Variants in PLXNB2 observed in about 807,000 individuals in gnomAD.
PLXNB2 encodes plexin B2, also known as plexin-B2.
In PLXNB2, 85 loss-of-function variants were observed where a neutral mutation model predicts 202.6. That is an observed-to-expected ratio of 0.42 (90% CI 0.35 to 0.50). The LOEUF is 0.50. Ranked by LOEUF, PLXNB2 falls within the 20% of genes least tolerant of loss-of-function variation. The pLI is 0.02. For synonymous variants in PLXNB2, 1,239 were observed against 1,137.6 expected, an observed-to-expected ratio of 1.09 and a Z score of -1.79; for missense variants, 2,063 against 2,586.2, an observed-to-expected ratio of 0.80 and a Z score of 4.39.
chr22:50,281,482 G>T lies in PLXNB2; in HGVS notation c.3540C>A (p.Arg1180=). ...ACTCCACGCGGCCCAGCACCCACTC[G>T]CGAGAGCCGAACTTCACCTGTGTGG... is the stretch of plus-strand genomic sequence containing the variant. The part of the protein sequence containing the change: ...LPEFIVKFGS[R]EWVLGRVEYD... The change falls in exon 22 of 37, where the codon CGC becomes CGA. Residue 1180 remains arginine, a synonymous_variant. Transcript: ENST00000359337. The T allele has an allele frequency of 2.5e-6, 4 of 1,612,064 alleles. No individual in the cohort carries two copies. Among genetic ancestry groups the T allele is most frequent in the South Asian group, 1.1e-5 (1 of 91,064 alleles).
chr22:50,282,046 G>A lies in PLXNB2; in HGVS notation c.3153C>T (p.Thr1051=). 6.2e-7 allele frequency: 1 copy of A among 1,612,580 alleles called. No individual in the cohort carries two copies. Among genetic ancestry groups the A allele is most frequent in the South Asian group, 1.1e-5 (1 of 91,078 alleles). Reference sequence around the variant, plus strand: ...CAGCCGGGGACAGGAAGACGACCTTGGTGTCATTGTGGAACACGTAGTCTG... The same window carrying A: ...CAGCCGGGGACAGGAAGACGACCTTAGTGTCATTGTGGAACACGTAGTCTG... ...VGTDYVFHND[T]KVVFLSPAVP... Residue 1051 remains threonine, a synonymous_variant, in exon 20 of 37, where the codon ACC becomes ACT. Coordinates refer to ENST00000359337, the MANE Select transcript of PLXNB2 (RefSeq NM_012401.4).
At position 50,289,179 on chromosome 22, in the gene PLXNB2, CT is replaced by C. The variant is rs753161697; in HGVS notation, c.1069-38del. 2.0e-6 allele frequency: 3 copies of C among 1,509,390 alleles called. No individual in the cohort carries two copies. The highest frequency in any genetic ancestry group is 2.4e-5 in the East Asian group (1 of 41,948). 93.5% of individuals were successfully genotyped at this position (1,509,390 alleles called of 1,614,324 possible). ...AGCGTGTCAATGGCAGGCAGACCCC[CT>C]GTCCTGAAGGGCCCTCTCCACTCGC... On this transcript the variant is annotated intron_variant, in intron 3 of 36. Coordinates refer to ENST00000359337, the MANE Select transcript of PLXNB2 (RefSeq NM_012401.4). This position sits in a 1 kb window ranked among gnomAD's most constrained non-coding sequence, Gnocchi z 8.0.
At chr22:50,276,375 G>A (rs202193416) in intron 35 of PLXNB2, among the ~76,000 whole-genome samples, 12 of 147,866 alleles carry the variant, frequency 8.1e-5, no homozygotes, top group East Asian at 4.1e-4. Flanking sequence ...GGGAGGGGGC[G>A]CTGTGGGCAC....
At chr22:50,280,158 C>A in intron 25 of PLXNB2, 87 bp from the exon 26 acceptor site, 1 of 1,073,960 alleles carries the variant, frequency 9.3e-7, no homozygotes, top group African/African-American at 1.6e-5. Context: ...GCCACCCTTG[C>A]GCCAGCCTCG....
chr22:50,276,692 C>A lies in PLXNB2; in HGVS notation c.5274G>T (p.Gly1758=), dbSNP rs767240260. 6.2e-7 allele frequency: 1 copy of A among 1,613,756 alleles called. No individual in the cohort carries two copies. The highest frequency in any genetic ancestry group is 1.7e-5 in the Admixed American group (1 of 60,008). The stretch of plus-strand genomic sequence containing the variant: ...CGCTGACCTGCACCATCTGCCGGAT[C>A]CCCTTGTAGTAACTGCAGGGGTGGG... The part of the protein sequence containing the change: ...YKKMVEDYYK[G]IRQMVQVSDQ... The change falls in exon 35 of 37, where the codon GGG becomes GGT. Residue 1758 remains glycine, a synonymous_variant. Transcript: ENST00000359337.
intron 2 of PLXNB2, among the ~76,000 whole-genome samples, chr22:50,292,983 C>T (rs187947734): frequency 3.5e-4 from 54 of 152,310 alleles, no homozygotes; most frequent in African/African-American, 1.1e-3. Context: ...CAGGTGCCCA[C>T]GAGCACAGCA....
In PLXNB2 at chr22:50,290,449, C is replaced by A. The variant is rs1280225940; in HGVS notation, c.136G>T (p.Val46Leu). 4 of 1,612,964 alleles carry A rather than the reference C, an allele frequency of 2.5e-6. No homozygotes were observed. Among genetic ancestry groups the A allele is most frequent in the Admixed American group, 3.3e-5 (2 of 60,024 alleles). Reference sequence around the variant, plus strand: ...AGGGCATTCACCGCCCCCAGGTACACCACGCCTGAGGCCTCATCCACAGCC... The same window carrying A: ...AGGGCATTCACCGCCCCCAGGTACAACACGCCTGAGGCCTCATCCACAGCC... Reference protein sequence around the residue: ...HLAVDEASGVVYLGAVNALYQ... With the variant: ...HLAVDEASGVLYLGAVNALYQ... The change falls in exon 3 of 37, where the codon GTG becomes TTG. Residue 46 changes from valine (V) to leucine (L), a missense_variant. By Grantham distance (32) the Val-to-Leu change is conservative. Coordinates refer to ENST00000359337, the MANE Select transcript of PLXNB2 (RefSeq NM_012401.4).
chr22:50,300,837 T>A (rs1175820475), intron 1 of PLXNB2, among the ~76,000 whole-genome samples: 3 of 152,158 alleles, frequency 2.0e-5, no homozygotes, highest in Non-Finnish European at 4.4e-5. Context: ...CAGCTCCTCC[T>A]GTCACTTGCT....
intron 1 of PLXNB2, chr22:50,301,401 C>T (rs940154827): frequency 1.7e-5 from 15 of 873,988 alleles, no homozygotes; most frequent in Non-Finnish European, 1.7e-5. Context: ...CACCGCCAGG[C>T]GCTCGGGGCA....
At chr22:50,304,592 C>T (rs1042453934) in intron 1 of PLXNB2, among the ~76,000 whole-genome samples, 3 of 152,090 alleles carry the variant, frequency 2.0e-5, no homozygotes, top group Non-Finnish European at 2.9e-5. Flanking sequence ...GGTGGAGGAA[C>T]CTCGACCAGA....
intron 1 of PLXNB2, among the ~76,000 whole-genome samples, chr22:50,298,741 G>A (rs1227391102): frequency 2.0e-5 from 3 of 152,210 alleles, no homozygotes; most frequent in Admixed American, 6.5e-5. Flanking sequence ...TGCCTCCCAG[G>A]TTGAAGCAAT....
chr22:50,278,016 G>C lies in PLXNB2; in HGVS notation c.4888-3C>G. 6.2e-7 allele frequency: 1 copy of C among 1,610,914 alleles called. No homozygotes were observed. Among genetic ancestry groups the C allele is most frequent in the Non-Finnish European group, 8.5e-7 (1 of 1,178,358 alleles). On this transcript the variant is annotated splice_region_variant and splice_polypyrimidine_tract_variant and intron_variant, in intron 31 of 36. Transcript: ENST00000359337. ...TCCACAAACTGCTGCAGTGTGCCCTGTGGGGGGGAGGGTCTCAGCGTGACG... is the reference window on the plus strand; with the variant it reads ...TCCACAAACTGCTGCAGTGTGCCCTCTGGGGGGGAGGGTCTCAGCGTGACG...
Position 50,277,929 on chromosome 22 carries a change from A to C in PLXNB2, c.4972T>G (p.Phe1658Val). Residue 1658 changes from phenylalanine (F) to valine (V), a missense_variant, in exon 32 of 37, where the codon TTC (phenylalanine) becomes GTC (valine). Around this residue, in one of 2 missense-constraint regions of PLXNB2, gnomAD observed 760 missense variants for 1,109.4 expected, o/e 0.69. Coordinates refer to ENST00000359337, the MANE Select transcript of PLXNB2 (RefSeq NM_012401.4). ...TCTGCCTGCTCGTCCAGGAAGTCGA[A>C]GAAGTACTTGACTGCAGGTGGCACC... ...HAVPPAVKYFFDFLDEQAEKH... is the reference protein window; with the variant it reads ...HAVPPAVKYFVDFLDEQAEKH... 1 of 1,613,146 alleles carries C rather than the reference A, an allele frequency of 6.2e-7. No individual in the cohort carries two copies.
chr22:50,280,505 T>TG lies in PLXNB2; in HGVS notation c.4158dup (p.Lys1387GlnfsTer8). On this transcript the variant is annotated frameshift_variant, in exon 25 of 37. Coordinates refer to ENST00000359337, the MANE Select transcript of PLXNB2 (RefSeq NM_012401.4). LOFTEE classifies it high-confidence loss of function. ...CATGTGCACCTGCGCAGCATCAGCT[T>TG]GGGGTTCTTGGCCACCACGTACTGC... The TG allele has an allele frequency of 6.2e-7, 1 of 1,609,096 alleles. No homozygotes were observed. Among genetic ancestry groups the TG allele is most frequent in the Non-Finnish European group, 8.5e-7 (1 of 1,178,896 alleles).
intron 9 of PLXNB2, 36 bp downstream of exon 9, chr22:50,286,137 C>A (rs533914051): frequency 6.2e-7 from 1 of 1,609,570 alleles, no homozygotes; most frequent in Admixed American, 1.7e-5. Flanking sequence ...CTGGGGTGGA[C>A]GGGCAGGGTG....
At position 50,275,898 on chromosome 22, in the gene PLXNB2, G is replaced by A. The variant is rs758189415; in HGVS notation, c.5403C>T (p.Tyr1801=). 3 of 1,612,476 alleles carry A rather than the reference G, an allele frequency of 1.9e-6. No individual in the cohort carries two copies. The highest frequency in any genetic ancestry group is 2.7e-5 in the African/African-American group (2 of 74,906). Residue 1801 remains tyrosine (Y), a synonymous_variant, in exon 36 of 37, where the codon TAC becomes TAT. Coordinates refer to ENST00000359337, the MANE Select transcript of PLXNB2 (RefSeq NM_012401.4). ...LHQLYQYTQK[Y]YDEIINALEE... ...GGGGGCCTGACCCTACCTCGTCATA[G>A]TACTTCTGCGTGTATTGGTAGAGCT...
At position 50,281,744 on chromosome 22, in the gene PLXNB2, TG is replaced by T; in HGVS notation, c.3346-3del. 1 of 1,559,772 alleles carries T rather than the reference TG, an allele frequency of 6.4e-7. No homozygotes were observed. Reference sequence around the variant, plus strand: ...CATCGCCTTGTTCAGATTGGTGCCCTGGGGAGGCGGCAGTGGTCGGGGTGAG... The same window carrying T: ...CATCGCCTTGTTCAGATTGGTGCCCTGGGAGGCGGCAGTGGTCGGGGTGAG... On this transcript the variant is annotated splice_region_variant and splice_polypyrimidine_tract_variant and intron_variant, in intron 20 of 36. Transcript: ENST00000359337.
Position 50,283,827 on chromosome 22 carries a change from G to A in PLXNB2, c.2421+6C>T, listed in dbSNP as rs995437638. The A allele has an allele frequency of 6.2e-7, 1 of 1,610,536 alleles. No homozygotes were observed. On this transcript the variant is annotated splice_donor_region_variant and intron_variant, in intron 14 of 36. Transcript: ENST00000359337. ...GAAGGTGTAGGCCAGGCTTCGAGGGGCTCACCCTGGTGATGACGGGCGGCG... is the reference window on the plus strand; with the variant it reads ...GAAGGTGTAGGCCAGGCTTCGAGGGACTCACCCTGGTGATGACGGGCGGCG...
Position 50,275,462 on chromosome 22 carries a change from G to A in PLXNB2, c.*242C>T, listed in dbSNP as rs1000106239. 4 of 643,910 alleles carry A rather than the reference G, an allele frequency of 6.2e-6. No homozygotes were observed. Among genetic ancestry groups the A allele is most frequent in the Middle Eastern group, 2.5e-4 (1 of 4,044 alleles). The allele number at this position is 643,910 out of a possible 1,614,324, so 39.9% of individuals were successfully genotyped here. The stretch of plus-strand genomic sequence containing the variant: ...GGAGACTCGACAGTGAACACCCGAT[G>A]CTGGTTCTGCGGCCGGAGGGAGCTG... On this transcript the variant is annotated 3_prime_UTR_variant, in exon 37 of 37. Coordinates refer to ENST00000359337, the MANE Select transcript of PLXNB2 (RefSeq NM_012401.4).
Sources: allele counts gnomAD v4.1 joint callset (sites outside exome capture counted in the v4.1 genomes callset), GRCh38; gene constraint gnomAD v4.1.1; regional missense constraint gnomAD v4.1.1; non-coding constraint Gnocchi (gnomAD v3.1); transcripts MANE v1.5; gene names NCBI Gene and HGNC (gene_info 2026-07-23, HGNC 2026-07-21).